ZC4H2: variants seen among roughly 807,000 people sequenced by gnomAD.
ZC4H2 encodes zinc finger C4H2 domain-containing protein.
For missense variants in ZC4H2, 137 were observed against 173.9 expected, an observed-to-expected ratio of 0.79 and a Z score of 1.19; for synonymous variants, 84 against 66.3, an observed-to-expected ratio of 1.27 and a Z score of -1.30.
At chrX:64,923,206 A>G (rs1187712012) in intron 1 of ZC4H2, among the ~76,000 whole-genome samples, 1 of 112,084 alleles carries the variant, frequency 8.9e-6, no homozygotes, top group African/African-American at 3.2e-5. Flanking sequence ...TAAGATTACA[A>G]TTTCAAAACA....
At chrX:65,034,134 T>A (rs1205411216) in intron 1 of ZC4H2, among the ~76,000 whole-genome samples, 1 of 110,497 alleles carries the variant, frequency 9.1e-6, no homozygotes, top group Admixed American at 9.6e-5. Context: ...ACAGAGCTAC[T>A]TGGTGGTGGA....
At chrX:64,956,290 T>C (rs749963904) in intron 1 of ZC4H2, among the ~76,000 whole-genome samples, 1 of 111,595 alleles carries the variant, frequency 9.0e-6, no homozygotes, top group Admixed American at 9.5e-5. Context: ...TTAATCTATT[T>C]AATTTTAAGT....
rs753179694 is a variant in ZC4H2 at position 64,942,526 on chromosome X, T to C, written c.54-20538A>G. Among the ~76,000 whole-genome samples, 201 of 95,272 alleles carry C rather than the reference T, an allele frequency of 2.1e-3. 2 individuals are homozygous for C. The highest frequency in any genetic ancestry group is 7.2e-3 in the African/African-American group (188 of 26,008). The allele number at this position is 95,272 out of a possible 115,157, so 82.7% of individuals were successfully genotyped here. On this transcript the variant is annotated intron_variant, in intron 1 of 4. Coordinates refer to ENST00000374839, the MANE Select transcript of ZC4H2 (RefSeq NM_018684.4). ...GTCCTGGTGTGTGATGTTTCCCTCC[T>C]TGTGCCTGTATGTTCTCATTGTTCA...
At chrX:64,933,274 A>T (rs1208206022) in intron 1 of ZC4H2, among the ~76,000 whole-genome samples, 1 of 111,321 alleles carries the variant, frequency 9.0e-6, no homozygotes, top group Admixed American at 9.6e-5. Context: ...CTGATTTTTT[A>T]AAATTTAAGT....
intron 3 of ZC4H2, chrX:64,919,427 G>A: frequency 2.6e-6 from 1 of 379,921 alleles, no homozygotes; most frequent in African/African-American, 2.5e-5. Flanking sequence ...AGAAGACCAA[G>A]AAATCTTAGG....
At chrX:65,034,725 T>G (rs1237297676), upstream of ZC4H2, 1 of 112,752 alleles carries the variant, frequency 8.9e-6, no homozygotes, top group Non-Finnish European at 1.9e-5. Flanking sequence ...GCGCCAGCGG[T>G]GGCAGCAGTC....
intron 1 of ZC4H2, among the ~76,000 whole-genome samples, chrX:64,967,853 A>G (rs1931644644): frequency 1.8e-5 from 2 of 112,202 alleles, no homozygotes; most frequent in African/African-American, 6.5e-5. Context: ...AGACAGTGGC[A>G]CTATGCCATA....
rs182965167 is a variant in ZC4H2 at position 65,004,430 on chromosome X, C to T, written c.-272+30199G>A. On this transcript the variant is annotated intron_variant, in intron 1 of 4. Coordinates refer to the ZC4H2 transcript ENST00000337990. The stretch of plus-strand genomic sequence containing the variant: ...TGGGATGCAAGGACGGTTCAACATA[C>T]GCAAATCAATAAACGTAATCCATCA... Among the ~76,000 whole-genome samples, 290 of 112,047 alleles carry T rather than the reference C, an allele frequency of 2.6e-3. 4 individuals are homozygous for T. In the Middle Eastern group the frequency reaches 0.042, roughly 16 times the overall value.
chrX:64,921,335 A>G (rs1300023500), intron 2 of ZC4H2, among the ~76,000 whole-genome samples: 1 of 111,750 alleles, frequency 8.9e-6, no homozygotes, highest in Non-Finnish European at 1.9e-5. Flanking sequence ...GGAGCTTACC[A>G]CCTTAGCAGA....
At chrX:64,950,912 C>G (rs367615629) in intron 1 of ZC4H2, among the ~76,000 whole-genome samples, 1 of 110,338 alleles carries the variant, frequency 9.1e-6, no homozygotes, top group East Asian at 2.8e-4. Flanking sequence ...CCCATTAACT[C>G]GTCATTTAGC....
intron 1 of ZC4H2, among the ~76,000 whole-genome samples, chrX:64,951,820 C>T (rs2147389818): frequency 9.0e-6 from 1 of 111,222 alleles, no homozygotes; most frequent in East Asian, 2.8e-4. Flanking sequence ...TCCCATTTGT[C>T]AATTTTGGCT....
At chrX:64,953,202 T>TA (rs1329163780) in intron 1 of ZC4H2, among the ~76,000 whole-genome samples, 2 of 112,060 alleles carry the variant, frequency 1.8e-5, no homozygotes, top group Non-Finnish European at 3.8e-5. Flanking sequence ...ATGTTAGACC[T>TA]AAAACCATAA....
intron 1 of ZC4H2, among the ~76,000 whole-genome samples, chrX:65,002,331 G>A (rs113568806): frequency 9.2e-6 from 1 of 109,102 alleles, no homozygotes; most frequent in Admixed American, 9.5e-5. Flanking sequence ...CCAGCCAGCC[G>A]CCCCGTCCGG....
At chrX:65,019,883 G>C (rs1220956969) in intron 1 of ZC4H2, among the ~76,000 whole-genome samples, 2 of 112,102 alleles carry the variant, frequency 1.8e-5, no homozygotes, top group Admixed American at 9.5e-5. Context: ...AGAACTTCAT[G>C]AAGCATACAC....
chrX:64,924,790 G>T (rs1929357033), intron 1 of ZC4H2, among the ~76,000 whole-genome samples: 1 of 111,203 alleles, frequency 9.0e-6, no homozygotes, highest in Non-Finnish European at 1.9e-5. Context: ...GAGCAGTGTG[G>T]CTGGAGCACC....
chrX:65,024,462 C>T (rs1157246801), intron 1 of ZC4H2, among the ~76,000 whole-genome samples: 1 of 111,414 alleles, frequency 9.0e-6, no homozygotes, highest in Non-Finnish European at 1.9e-5. Flanking sequence ...CTGTGGAAAA[C>T]AGCTTAAAGA....
At chrX:64,937,823 A>G (rs1413953095) in intron 1 of ZC4H2, among the ~76,000 whole-genome samples, 1 of 111,964 alleles carries the variant, frequency 8.9e-6, no homozygotes, top group African/African-American at 3.2e-5. Context: ...TCCCCACAAG[A>G]GAAAGCAGAA....
intron 1 of ZC4H2, among the ~76,000 whole-genome samples, chrX:64,934,186 G>A (rs1929884774): frequency 8.9e-6 from 1 of 112,113 alleles, no homozygotes; most frequent in Admixed American, 9.4e-5. Context: ...CCTTCTGCTA[G>A]GACTGTGGCT....
chrX:64,932,252 A>G (rs1191246145), intron 1 of ZC4H2, among the ~76,000 whole-genome samples: 1 of 111,014 alleles, frequency 9.0e-6, no homozygotes, highest in Non-Finnish European at 1.9e-5. Context: ...ATGAGTCCTT[A>G]TGCATTAGGT....
Sources: gnomAD v4.1 joint callset for allele counts (sites outside exome capture counted in the v4.1 genomes callset) on GRCh38, gnomAD v4.1.1 for gene constraint, MANE v1.5 for transcripts, NCBI Gene and HGNC (gene_info 2026-07-23, HGNC 2026-07-21) for gene names.